Variants in PDE1C observed in about 807,000 individuals in gnomAD.
PDE1C encodes phosphodiesterase 1C, also known as dual specificity calcium/calmodulin-dependent 3',5'-cyclic nucleotide phosphodiesterase 1C.
Under a neutral mutation model 93.1 loss-of-function variants are expected in PDE1C, and 62 were observed. That is an observed-to-expected ratio of 0.67 (90% confidence interval 0.54 to 0.82). PDE1C has a LOEUF of 0.82. Ranked by LOEUF, PDE1C falls within the 40% of genes least tolerant of loss-of-function variation. PDE1C has a pLI of 0.00. For synonymous variants in PDE1C, 325 were observed against 310.1 expected (o/e 1.05, Z -0.50); for missense variants, 742 against 884.6 (o/e 0.84, Z 2.04).
chr7:32,142,129 AG>A (rs1800571292), intron 3 of PDE1C, among the ~76,000 whole-genome samples: 1 of 152,052 alleles, frequency 6.6e-6, no homozygotes, highest in African/African-American at 2.4e-5. Context: ...AAAGAGGAAA[AG>A]GAGAGGAGAA....
intron 16 of PDE1C, among the ~76,000 whole-genome samples, chr7:31,806,227 T>C (rs1282131859): frequency 1.3e-5 from 2 of 151,934 alleles, no homozygotes; most frequent in Non-Finnish European, 2.9e-5. Context: ...AAGATGGCTA[T>C]CTCTTATTTC....
intron 3 of PDE1C, among the ~76,000 whole-genome samples, chr7:32,151,723 C>T (rs1801270807): frequency 6.6e-6 from 1 of 151,982 alleles, no homozygotes; most frequent in South Asian, 2.1e-4. Flanking sequence ...CAACAGAAAG[C>T]AAATCAATGG....
At chr7:32,333,761 A>G (rs1248190342) in intron 1 of PDE1C, among the ~76,000 whole-genome samples, 1 of 152,240 alleles carries the variant, frequency 6.6e-6, no homozygotes, top group Non-Finnish European at 1.5e-5. Flanking sequence ...CCTGGTATAT[A>G]CTAAGACCTT....
At chr7:32,367,446 C>A (rs1784248998) in intron 1 of PDE1C, among the ~76,000 whole-genome samples, 1 of 152,154 alleles carries the variant, frequency 6.6e-6, no homozygotes. Flanking sequence ...ATGAAATTCA[C>A]CTTTTAAAAG....
Position 31,807,221 on chromosome 7 carries a change from G to A in PDE1C, c.1891+1810C>T, listed in dbSNP as rs74815541. ...ACTTCCAAGTATACAGACACACCAG[G>A]ACCTACTTGAGGAAGTGGAAGAACA... On this transcript the variant is annotated intron_variant, in intron 16 of 17. Coordinates refer to ENST00000396191, the MANE Select transcript of PDE1C (RefSeq NM_001191057.4). 5.6e-3 allele frequency among the ~76,000 whole-genome samples: 854 copies of A among 151,988 alleles called. 29 individuals are homozygous for A. The highest frequency in any genetic ancestry group is 0.051 in the East Asian group (264 of 5,128).
At chr7:32,229,454 A>G (rs1807528174) in intron 1 of PDE1C, among the ~76,000 whole-genome samples, 1 of 152,194 alleles carries the variant, frequency 6.6e-6, no homozygotes, top group East Asian at 1.9e-4. Flanking sequence ...TTTGGGTCGC[A>G]TTGATTCTGT....
chr7:31,979,913 T>C (rs1406382040), intron 2 of PDE1C, among the ~76,000 whole-genome samples: 1 of 152,210 alleles, frequency 6.6e-6, no homozygotes, highest in Non-Finnish European at 1.5e-5. Flanking sequence ...CTTCAGATCA[T>C]GAGACCTCAA....
chr7:31,637,005 G>A, the PDE1C span, among the ~76,000 whole-genome samples: 2 of 151,106 alleles, frequency 1.3e-5, no homozygotes, highest in East Asian at 2.0e-4. Flanking sequence ...TCATCCTTGC[G>A]ATAGTTTGCT....
intron 1 of PDE1C, among the ~76,000 whole-genome samples, chr7:32,400,498 A>T (rs941428987): frequency 6.6e-6 from 1 of 152,250 alleles, no homozygotes; most frequent in African/African-American, 2.4e-5. Context: ...GTTACAATGC[A>T]CATTTCTAGA....
chr7:32,195,259 T>C (rs895762903), intron 2 of PDE1C, among the ~76,000 whole-genome samples: 1 of 152,246 alleles, frequency 6.6e-6, no homozygotes, highest in Non-Finnish European at 1.5e-5. Flanking sequence ...CCTTCTCTTA[T>C]TGTTTTCTTT....
At chr7:32,127,508 G>A (rs932258071) in intron 3 of PDE1C, among the ~76,000 whole-genome samples, 1 of 151,736 alleles carries the variant, frequency 6.6e-6, no homozygotes, top group Non-Finnish European at 1.5e-5. Flanking sequence ...AACTTTCCTG[G>A]GTTAATCTTC....
At chr7:32,235,800 A>G (rs1373199617) in intron 1 of PDE1C, among the ~76,000 whole-genome samples, 1 of 152,128 alleles carries the variant, frequency 6.6e-6, no homozygotes, top group Non-Finnish European at 1.5e-5. Flanking sequence ...ATGCAAGCTG[A>G]TTTTGAAATG....
chr7:31,901,558 C>T (rs2058409), intron 2 of PDE1C, among the ~76,000 whole-genome samples: 135,747 of 151,088 alleles, frequency 0.9, 62,007 homozygotes, highest in East Asian at 1. Flanking sequence ...ATAAATTTCT[C>T]CTCAAATTAA....
At chr7:32,203,716 G>C (rs1805197617) in intron 2 of PDE1C, among the ~76,000 whole-genome samples, 1 of 152,164 alleles carries the variant, frequency 6.6e-6, no homozygotes, top group South Asian at 2.1e-4. Context: ...CATGATTGCT[G>C]TTAATCAGAA....
At chr7:32,007,552 T>C (rs1015796624) in intron 2 of PDE1C, among the ~76,000 whole-genome samples, 10 of 152,200 alleles carry the variant, frequency 6.6e-5, no homozygotes, top group African/African-American at 1.4e-4. Flanking sequence ...ATCATCAAGA[T>C]AGCTGACAAT....
upstream of PDE1C, chr7:32,071,417 A>T (rs1796048275): frequency 1.0e-6 from 1 of 984,558 alleles, no homozygotes; most frequent in Non-Finnish European, 1.2e-6. Flanking sequence ...ACACTCAAAA[A>T]CTCTTGATGT....
chr7:31,643,933 A>G, the PDE1C span: 1 of 1,611,944 alleles, frequency 6.2e-7, no homozygotes, highest in Non-Finnish European at 8.5e-7. Flanking sequence ...TCAGGACACT[A>G]CAGTGAGGGA....
At chr7:32,346,880 G>C (rs1653888) in intron 1 of PDE1C, among the ~76,000 whole-genome samples, 121,770 of 152,148 alleles carry the variant, frequency 0.8, 49,095 homozygotes, top group Admixed American at 0.85. Flanking sequence ...CTAGAACAGG[G>C]AAAACTATAG....
At chr7:31,741,047 C>A in the PDE1C span, among the ~76,000 whole-genome samples, 12 of 113,632 alleles carry the variant, frequency 1.1e-4, no homozygotes, top group African/African-American at 3.7e-4. Flanking sequence ...GGCCAACAGA[C>A]AAAGACCCTG....
Sources: allele counts gnomAD v4.1 joint callset (sites outside exome capture counted in the v4.1 genomes callset), GRCh38; gene constraint gnomAD v4.1.1; transcripts MANE v1.5; gene names NCBI Gene and HGNC (gene_info 2026-07-23, HGNC 2026-07-21).